ADGRB3: variants seen among roughly 807,000 people sequenced by gnomAD.
ADGRB3 encodes brain-specific angiogenesis inhibitor 3.
A neutral mutation model predicts 193.4 loss-of-function variants in ADGRB3; 37 were observed. The observed-to-expected ratio is 0.19, with a 90% CI of 0.15 to 0.25. The LOEUF is 0.25. Ranked by LOEUF, ADGRB3 falls within the 10% of genes least tolerant of loss-of-function variation. The pLI is 1.00. For synonymous variants in ADGRB3, 690 were observed against 644.2 expected (o/e 1.07, Z -1.08); for missense variants, 1,637 against 1,852.9 (o/e 0.88, Z 2.14).
At chr6:68,947,374 A>G (rs537199984) in intron 6 of ADGRB3, among the ~76,000 whole-genome samples, 5 of 152,050 alleles carry the variant, frequency 3.3e-5, no homozygotes, top group South Asian at 2.1e-4. Context: ...TTAATGGTCA[A>G]TTCTCAATTA....
chr6:69,372,327 G>A (rs760087939), intron 29 of ADGRB3, 79 bp from the exon 30 acceptor site: 7 of 769,258 alleles, frequency 9.1e-6, no homozygotes, highest in Non-Finnish European at 1.2e-5. Context: ...TAATGAAAAT[G>A]ATGATTTTTC....
At chr6:68,862,477 A>G (rs182963559) in intron 3 of ADGRB3, among the ~76,000 whole-genome samples, 126 of 152,306 alleles carry the variant, frequency 8.3e-4, no homozygotes, top group Non-Finnish European at 1.3e-4. Context: ...ACTCTTCACA[A>G]ACATACTCTC....
Position 68,744,186 on chromosome 6 carries a change from A to T in ADGRB3, c.757+104754A>T, listed in dbSNP as rs186921634. On this transcript the variant is annotated intron_variant, in intron 3 of 31. Transcript: ENST00000370598. ...TATCTTGAAGGCTTCTATTTTACTA[A>T]TTGCATTTATAATACAAAAACAGAA... Among the ~76,000 whole-genome samples the T allele has an allele frequency of 1.3e-3, 202 of 152,204 alleles. 1 individual carries two copies. Among genetic ancestry groups the T allele is most frequent in the Non-Finnish European group, 4.6e-4 (31 of 68,008 alleles).
At chr6:68,753,328 G>A (rs1295116658) in intron 3 of ADGRB3, among the ~76,000 whole-genome samples, 2 of 152,174 alleles carry the variant, frequency 1.3e-5, no homozygotes, top group African/African-American at 4.8e-5. Context: ...TGGAAAAAGG[G>A]AAAAGAGGAA....
At chr6:68,842,691 C>G (rs1231038837) in intron 3 of ADGRB3, among the ~76,000 whole-genome samples, 2 of 151,836 alleles carry the variant, frequency 1.3e-5, no homozygotes, top group East Asian at 3.9e-4. Flanking sequence ...ACCCTGATAC[C>G]AAAGCCAGGC....
intron 3 of ADGRB3, among the ~76,000 whole-genome samples, chr6:68,896,333 C>A (rs925753593): frequency 6.6e-6 from 1 of 152,052 alleles, no homozygotes; most frequent in African/African-American, 2.4e-5. Context: ...ACCTGGGGAC[C>A]TGGATCAGAG....
rs752625602 is a variant in ADGRB3, at chr6:68,840,369, C to CTTTTTTTT, written c.758-90158_758-90151dup. Among the ~76,000 whole-genome samples the CTTTTTTTT allele has an allele frequency of 3.0e-3, 210 of 69,402 alleles. 31 individuals carry two copies. The highest frequency in any genetic ancestry group is 3.7e-3 in the Non-Finnish European group (150 of 40,856). 45.5% of individuals were successfully genotyped at this position (69,402 alleles called of 152,430 possible). A position where few individuals can be genotyped will look rare whatever the true frequency, so the allele number is the denominator to read the frequency against. ...GCAGTGGAGTAAGGCACTGGGCAGTCTTTTTTTTTTTTTTTTTTTTTTTTT... is the reference window on the plus strand; with the variant it reads ...GCAGTGGAGTAAGGCACTGGGCAGTCTTTTTTTTTTTTTTTTTTTTTTTTTTTTTTTTT... On this transcript the variant is annotated intron_variant, in intron 3 of 31. Coordinates refer to ENST00000370598, the MANE Select transcript of ADGRB3 (RefSeq NM_001704.3).
At chr6:69,174,504 T>C (rs545469121) in intron 17 of ADGRB3, among the ~76,000 whole-genome samples, 2 of 152,236 alleles carry the variant, frequency 1.3e-5, no homozygotes, top group African/African-American at 2.4e-5. Context: ...CCACTGTTAA[T>C]GGGACCTGGG....
intron 20 of ADGRB3, among the ~76,000 whole-genome samples, chr6:69,311,589 A>G (rs1001017158): frequency 1.3e-5 from 2 of 151,648 alleles, no homozygotes; most frequent in African/African-American, 4.8e-5. Context: ...ATCTGACCCA[A>G]CTGTTATTCC....
chr6:68,905,146 T>C (rs75447644), intron 3 of ADGRB3, among the ~76,000 whole-genome samples: 3,657 of 152,288 alleles, frequency 0.024, 141 homozygotes, highest in African/African-American at 0.082. Context: ...TGTAGCATTA[T>C]TGCATAAGTA....
chr6:69,234,915 TAACTATAAC>T, intron 18 of ADGRB3, 108 bp from the exon 19 acceptor site: 1 of 716,310 alleles, frequency 1.4e-6, no homozygotes, highest in East Asian at 2.7e-5. Flanking sequence ...AACTATCTGG[TAACTATAAC>T]AACTATATAG....
At chr6:68,883,443 C>G (rs184430063) in intron 3 of ADGRB3, among the ~76,000 whole-genome samples, 5 of 152,302 alleles carry the variant, frequency 3.3e-5, no homozygotes, top group Admixed American at 1.3e-4. Context: ...GTTGTAGGAG[C>G]TTTGTTTATT....
intron 3 of ADGRB3, among the ~76,000 whole-genome samples, chr6:68,825,183 T>C (rs531462790): frequency 3.4e-4 from 52 of 152,272 alleles, no homozygotes; most frequent in African/African-American, 1.2e-3. Flanking sequence ...GGTCTACTTA[T>C]GCTTTAATTT....
At chr6:69,044,327 C>T (rs1771178409) in intron 13 of ADGRB3, among the ~76,000 whole-genome samples, 1 of 152,144 alleles carries the variant, frequency 6.6e-6, no homozygotes, top group Non-Finnish European at 1.5e-5. Context: ...ATCAAATTAC[C>T]TCCAGTTTGT....
intron 17 of ADGRB3, among the ~76,000 whole-genome samples, chr6:69,213,020 C>T (rs12211428): frequency 1.4e-4 from 21 of 152,078 alleles, no homozygotes; most frequent in Admixed American, 1.3e-3. Context: ...TCAGTTTAGC[C>T]CACAAATCTA....
intron 20 of ADGRB3, among the ~76,000 whole-genome samples, chr6:69,303,363 TC>T (rs1424312982): frequency 2.0e-5 from 3 of 151,822 alleles, no homozygotes; most frequent in Non-Finnish European, 4.4e-5. Context: ...CTCCTGCCTC[TC>T]CTTCCACCTC....
intron 17 of ADGRB3, among the ~76,000 whole-genome samples, chr6:69,208,592 G>A (rs1303210538): frequency 6.6e-6 from 1 of 152,182 alleles, no homozygotes; most frequent in Non-Finnish European, 1.5e-5. Flanking sequence ...CTTTAGGGTG[G>A]TGCCTGCATA....
chr6:68,635,554 GCAGCCGCCGCCGCCGC>G lies in ADGRB3; in HGVS notation c.-632_-617del, dbSNP rs1390825149. ...CCACCGCCCCAACAAATCTGCCATA[GCAGCCGCCGCCGCCGC>G]CGGTCACTTCTCGTCTCAGCGCTTT... On this transcript the variant is annotated 5_prime_UTR_variant, in exon 1 of 32. Coordinates refer to ENST00000370598, the MANE Select transcript of ADGRB3 (RefSeq NM_001704.3). 6.5e-6 allele frequency: 1 copy of G among 154,596 alleles called. No homozygotes were observed. Among genetic ancestry groups the G allele is most frequent in the African/African-American group, 2.4e-5 (1 of 41,484 alleles). 9.6% of individuals were successfully genotyped at this position (154,596 alleles called of 1,614,324 possible). A position where few individuals can be genotyped will look rare whatever the true frequency, so the allele number is the denominator to read the frequency against.
intron 3 of ADGRB3, among the ~76,000 whole-genome samples, chr6:68,704,919 A>G (rs1386411081): frequency 6.6e-6 from 1 of 152,232 alleles, no homozygotes; most frequent in African/African-American, 2.4e-5. Context: ...CTTTAAACAT[A>G]TCAGTCTCTA....
Sources: gnomAD v4.1 joint callset for allele counts (sites outside exome capture counted in the v4.1 genomes callset) on GRCh38, gnomAD v4.1.1 for gene constraint, MANE v1.5 for transcripts, NCBI Gene and HGNC (gene_info 2026-07-23, HGNC 2026-07-21) for gene names.